Variants in RIMS1 observed in about 807,000 individuals in gnomAD.
RIMS1 encodes regulating synaptic membrane exocytosis 1.
RIMS1 carries 83 observed loss-of-function variants against 214.1 expected under a neutral mutation model. The observed-to-expected ratio is 0.39, with a 90% CI of 0.32 to 0.47. The LOEUF (loss-of-function observed/expected upper bound fraction) is 0.47, where lower values mean the gene tolerates loss of function less well. Ranked by LOEUF, RIMS1 falls within the 20% of genes least tolerant of loss-of-function variation. The pLI, the probability that RIMS1 is intolerant of heterozygous loss-of-function variation, is 0.99. For missense variants in RIMS1, 2,050 were observed against 2,161.8 expected, an observed-to-expected ratio of 0.95 and a Z score of 1.03; for synonymous variants, 793 against 786.8, an observed-to-expected ratio of 1.01 and a Z score of -0.13.
chr6:71,996,292 TC>T (rs1803401836), intron 2 of RIMS1, among the ~76,000 whole-genome samples: 1 of 152,216 alleles, frequency 6.6e-6, no homozygotes, highest in South Asian at 2.1e-4. Context: ...GTTAAGTCAA[TC>T]CCATTTTTAT....
intron 6 of RIMS1, among the ~76,000 whole-genome samples, chr6:72,201,933 C>T (rs2052056070): frequency 6.6e-6 from 1 of 152,168 alleles, no homozygotes; most frequent in Admixed American, 6.5e-5. Context: ...TAGATACTGA[C>T]TGATGTCAAC....
At chr6:72,123,737 T>C (rs1328513261) in intron 4 of RIMS1, among the ~76,000 whole-genome samples, 2 of 151,898 alleles carry the variant, frequency 1.3e-5, no homozygotes, top group African/African-American at 4.8e-5. Flanking sequence ...TGGCCTTCTT[T>C]GTCTCTTTTG....
intron 4 of RIMS1, among the ~76,000 whole-genome samples, chr6:72,101,721 G>A (rs1466338108): frequency 6.6e-6 from 1 of 151,840 alleles, no homozygotes; most frequent in African/African-American, 2.4e-5. Flanking sequence ...TTAAAATAAA[G>A]GAGTATGTGA....
intron 2 of RIMS1, among the ~76,000 whole-genome samples, chr6:72,012,706 A>G (rs973849791): frequency 2.6e-5 from 4 of 152,170 alleles, no homozygotes; most frequent in Admixed American, 2.6e-4. Flanking sequence ...AGGTTATAAT[A>G]AAGCTGCTTG....
rs77298869 is a variant in RIMS1 at position 72,025,963 on chromosome 6, C to T, written c.245+56900C>T. 2.4e-4 allele frequency among the ~76,000 whole-genome samples: 37 copies of T among 152,270 alleles called. 1 individual carries two copies. The East Asian group carries it at 5.0e-3, about 21-fold the overall frequency. On this transcript the variant is annotated intron_variant, in intron 2 of 33. Coordinates refer to ENST00000521978, the MANE Select transcript of RIMS1 (RefSeq NM_014989.7). Reference sequence around the variant, plus strand: ...TCCATGGAGCCACTTGTGTATCCTCCCAAGATGGCAGCTAACCTCCTCTAG... The same window carrying T: ...TCCATGGAGCCACTTGTGTATCCTCTCAAGATGGCAGCTAACCTCCTCTAG...
chr6:72,149,440 G>T (rs2043207885), intron 4 of RIMS1, among the ~76,000 whole-genome samples: 1 of 151,926 alleles, frequency 6.6e-6, no homozygotes, highest in African/African-American at 2.4e-5. Flanking sequence ...GATGCCTTCA[G>T]TTTCCTCAGG....
At chr6:72,001,675 A>G (rs1003776183) in intron 2 of RIMS1, among the ~76,000 whole-genome samples, 1 of 152,192 alleles carries the variant, frequency 6.6e-6, no homozygotes, top group Non-Finnish European at 1.5e-5. Context: ...ACTTTGACTA[A>G]TCTAATACTG....
At chr6:72,202,111 G>A (rs932370466) in intron 6 of RIMS1, among the ~76,000 whole-genome samples, 27 of 152,180 alleles carry the variant, frequency 1.8e-4, no homozygotes, top group Non-Finnish European at 3.2e-4. Flanking sequence ...TTTTTTAAAA[G>A]CACATGTTTC....
intron 29 of RIMS1, among the ~76,000 whole-genome samples, chr6:72,379,962 AT>A (rs200500775): frequency 0.012 from 1,806 of 152,314 alleles, 16 homozygotes; most frequent in Non-Finnish European, 0.017. Context: ...GTTTTTAAAA[AT>A]ATATATTCAC....
At chr6:72,234,153 T>G (rs779449968) in intron 7 of RIMS1, among the ~76,000 whole-genome samples, 3 of 151,998 alleles carry the variant, frequency 2.0e-5, no homozygotes, top group Non-Finnish European at 4.4e-5. Flanking sequence ...AAATTTTAAT[T>G]AATTCCATTT....
At chr6:71,891,297 AT>A (rs537177952) in intron 1 of RIMS1, among the ~76,000 whole-genome samples, 1 of 152,192 alleles carries the variant, frequency 6.6e-6, no homozygotes, top group South Asian at 2.1e-4. Context: ...ATGAAGTTTC[AT>A]TTTTTTCCTA....
At chr6:72,388,073 A>G (rs2098642956) in intron 29 of RIMS1, among the ~76,000 whole-genome samples, 1 of 152,254 alleles carries the variant, frequency 6.6e-6, no homozygotes, top group Non-Finnish European at 1.5e-5. Context: ...AACAGTGAAC[A>G]ATACTCACAA....
chr6:71,963,890 T>C (rs1306128903), intron 1 of RIMS1, among the ~76,000 whole-genome samples: 1 of 152,182 alleles, frequency 6.6e-6, no homozygotes, highest in Non-Finnish European at 1.5e-5. Flanking sequence ...CTTTTTATCT[T>C]CTTTATTCAT....
chr6:72,133,127 T>C (rs1001006970), intron 4 of RIMS1, among the ~76,000 whole-genome samples: 23 of 151,966 alleles, frequency 1.5e-4, no homozygotes, highest in African/African-American at 4.8e-5. Context: ...ATGTGGAATT[T>C]CACAAATAAT....
chr6:72,120,997 G>A (rs966114199), intron 4 of RIMS1, among the ~76,000 whole-genome samples: 1 of 151,784 alleles, frequency 6.6e-6, no homozygotes, highest in African/African-American at 2.4e-5. Context: ...CCTCTGTTCT[G>A]TTCCATTGGT....
At chr6:72,008,230 A>T (rs996460072) in intron 2 of RIMS1, among the ~76,000 whole-genome samples, 1 of 152,004 alleles carries the variant, frequency 6.6e-6, no homozygotes. Context: ...ACTAAGCTTC[A>T]TAAGTGAAGG....
At chr6:72,329,926 G>A (rs577094338) in intron 28 of RIMS1, among the ~76,000 whole-genome samples, 3 of 151,876 alleles carry the variant, frequency 2.0e-5, no homozygotes, top group Admixed American at 2.0e-4. Flanking sequence ...TATAAATCTG[G>A]AGTCCAGGGC....
chr6:72,110,694 T>A (rs2035889746), intron 4 of RIMS1, among the ~76,000 whole-genome samples: 2 of 151,746 alleles, frequency 1.3e-5, no homozygotes, highest in South Asian at 4.2e-4. Context: ...TACCCTTTAT[T>A]TCCTTCTCCT....
chr6:72,061,752 A>G (rs1238124535), intron 2 of RIMS1, among the ~76,000 whole-genome samples: 1 of 152,276 alleles, frequency 6.6e-6, no homozygotes, highest in African/African-American at 2.4e-5. Flanking sequence ...TATTACATGC[A>G]TAAAGTTCGA....
Sources: allele counts gnomAD v4.1 joint callset (sites outside exome capture counted in the v4.1 genomes callset), GRCh38; gene constraint gnomAD v4.1.1; transcripts MANE v1.5; gene names NCBI Gene and HGNC (gene_info 2026-07-23, HGNC 2026-07-21).